EFNA5: variants seen among roughly 807,000 people sequenced by gnomAD.
The protein encoded by EFNA5 is ephrin A5, also known as ephrin-A5.
A neutral mutation model predicts 22.9 loss-of-function variants in EFNA5; 5 were observed. The observed-to-expected ratio is 0.22, with a 90% CI of 0.11 to 0.46. The LOEUF is 0.46. Among genes scored for constraint, EFNA5 ranks in the 20% least tolerant of loss-of-function variants. The pLI, the probability that EFNA5 is intolerant of heterozygous loss-of-function variation, is 0.99. For synonymous variants in EFNA5, 113 were observed against 112.2 expected, an observed-to-expected ratio of 1.01 and a Z score of -0.04; for missense variants, 237 against 293.3, an observed-to-expected ratio of 0.81 and a Z score of 1.40.
intron 1 of EFNA5, among the ~76,000 whole-genome samples, chr5:107,428,750 G>T (rs60875664): frequency 0.017 from 2,587 of 152,274 alleles, 72 homozygotes; most frequent in African/African-American, 0.058. Context: ...CTTCCCAGTG[G>T]CAGTGAGATA....
chr5:107,447,752 A>G (rs1206922184), intron 1 of EFNA5, among the ~76,000 whole-genome samples: 1 of 152,220 alleles, frequency 6.6e-6, no homozygotes, highest in Non-Finnish European at 1.5e-5. Context: ...AAGCAAGGAC[A>G]GTGTTGACAG....
At chr5:107,634,146 T>C (rs902643430) in intron 1 of EFNA5, among the ~76,000 whole-genome samples, 3 of 152,210 alleles carry the variant, frequency 2.0e-5, no homozygotes, top group African/African-American at 7.2e-5. Flanking sequence ...AACCCCCTTT[T>C]AAATGACACC....
chr5:107,585,364 C>T (rs1561440846), intron 1 of EFNA5, among the ~76,000 whole-genome samples: 1 of 152,108 alleles, frequency 6.6e-6, no homozygotes, highest in Non-Finnish European at 1.5e-5. Flanking sequence ...TTCCTTATAC[C>T]CTAAATTTCT....
chr5:107,503,348 C>A (rs1010236264), intron 1 of EFNA5, among the ~76,000 whole-genome samples: 2 of 152,298 alleles, frequency 1.3e-5, no homozygotes, highest in Admixed American at 6.5e-5. Context: ...TCTAACCATC[C>A]TACTTTCATT....
chr5:107,615,025 A>G (rs1009943638), intron 1 of EFNA5, among the ~76,000 whole-genome samples: 2 of 152,136 alleles, frequency 1.3e-5, no homozygotes, highest in African/African-American at 2.4e-5. Flanking sequence ...GAAAATACCT[A>G]TGTTAACTGC....
At chr5:107,475,157 T>G (rs1580476864) in intron 1 of EFNA5, among the ~76,000 whole-genome samples, 1 of 152,360 alleles carries the variant, frequency 6.6e-6, no homozygotes, top group East Asian at 1.9e-4. Flanking sequence ...GGTGTCACAG[T>G]AGCACAGTGA....
chr5:107,604,249 G>A (rs910362662), intron 1 of EFNA5, among the ~76,000 whole-genome samples: 3 of 151,902 alleles, frequency 2.0e-5, no homozygotes, highest in African/African-American at 2.4e-5. Context: ...GGTGTATCAC[G>A]GCTCACTGCC....
At chr5:107,617,059 A>G (rs1475017728) in intron 1 of EFNA5, among the ~76,000 whole-genome samples, 2 of 152,142 alleles carry the variant, frequency 1.3e-5, no homozygotes, top group East Asian at 3.9e-4. Flanking sequence ...ACCAAGAACC[A>G]AATCTAAAGG....
At chr5:107,454,409 GACT>G (rs1248932017) in intron 1 of EFNA5, among the ~76,000 whole-genome samples, 1 of 151,810 alleles carries the variant, frequency 6.6e-6, no homozygotes, top group Non-Finnish European at 1.5e-5. Context: ...TCATCCAAAG[GACT>G]ACATTAAAAT....
At chr5:107,423,747 T>C (rs567985409) in intron 2 of EFNA5, among the ~76,000 whole-genome samples, 4 of 152,294 alleles carry the variant, frequency 2.6e-5, no homozygotes, top group Admixed American at 6.5e-5. Context: ...GATTCAGAGA[T>C]GGCCCCAGTC....
chr5:107,429,904 T>C (rs184832973), intron 1 of EFNA5, among the ~76,000 whole-genome samples: 341 of 152,302 alleles, frequency 2.2e-3, no homozygotes, highest in Non-Finnish European at 3.9e-3. Flanking sequence ...CATATAGAAA[T>C]GTTAAATTCT....
intron 1 of EFNA5, among the ~76,000 whole-genome samples, chr5:107,449,300 C>T (rs1320951636): frequency 6.7e-6 from 1 of 150,368 alleles, no homozygotes; most frequent in African/African-American, 2.5e-5. Flanking sequence ...CCTAGAGGCA[C>T]AAGGAGGTCA....
At chr5:107,638,469 A>G (rs2112542051) in intron 1 of EFNA5, among the ~76,000 whole-genome samples, 1 of 152,356 alleles carries the variant, frequency 6.6e-6, no homozygotes, top group South Asian at 2.1e-4. Flanking sequence ...CATTGTATAG[A>G]GTTGACCTAC....
chr5:107,437,636 T>C (rs1199209008), intron 1 of EFNA5, among the ~76,000 whole-genome samples: 2 of 152,236 alleles, frequency 1.3e-5, no homozygotes, highest in Admixed American at 6.5e-5. Context: ...TACTTGTCTC[T>C]GTATCCCCAA....
At chr5:107,562,165 T>C (rs1217653477) in intron 1 of EFNA5, among the ~76,000 whole-genome samples, 1 of 152,176 alleles carries the variant, frequency 6.6e-6, no homozygotes, top group Non-Finnish European at 1.5e-5. Context: ...TCTTGATCCT[T>C]TGACAAAATT....
chr5:107,561,305 C>G lies in EFNA5; in HGVS notation c.125+109184G>C, dbSNP rs184389562. On this transcript the variant is annotated intron_variant, in intron 1 of 4. Coordinates refer to ENST00000333274, the MANE Select transcript of EFNA5 (RefSeq NM_001962.3). The stretch of plus-strand genomic sequence containing the variant: ...TTCAAAATAAACTCTGCTATGCTAC[C>G]TGGTACCACTTGTGTTAAGAGCCAT... Among the ~76,000 whole-genome samples the G allele has an allele frequency of 1.0e-3, 157 of 152,282 alleles. 1 individual carries two copies. Among genetic ancestry groups the G allele is most frequent in the African/African-American group, 3.6e-3 (151 of 41,554 alleles).
intron 1 of EFNA5, among the ~76,000 whole-genome samples, chr5:107,622,161 T>C (rs1750050375): frequency 1.3e-5 from 2 of 152,184 alleles, no homozygotes; most frequent in Non-Finnish European, 1.5e-5. Context: ...ATGTTCCTCT[T>C]AATTCTTTTT....
intron 2 of EFNA5, 75 bp from the exon 3 acceptor site, chr5:107,387,846 A>G: frequency 9.9e-7 from 1 of 1,012,658 alleles, no homozygotes; most frequent in Non-Finnish European, 1.5e-6. Context: ...TTCACATACA[A>G]ATGATGAACA....
At chr5:107,534,479 G>T (rs1317795726) in intron 1 of EFNA5, among the ~76,000 whole-genome samples, 1 of 152,198 alleles carries the variant, frequency 6.6e-6, no homozygotes, top group Non-Finnish European at 1.5e-5. Context: ...AATACTAGTT[G>T]TGGTTGCAAT....
Sources: gnomAD v4.1 joint callset for allele counts (sites outside exome capture counted in the v4.1 genomes callset) on GRCh38, gnomAD v4.1.1 for gene constraint, MANE v1.5 for transcripts, NCBI Gene and HGNC (gene_info 2026-07-23, HGNC 2026-07-21) for gene names.